The following ACACB variants were observed in gnomAD, a reference collection of about 807,000 sequenced individuals.
ACACB encodes the protein acetyl-CoA carboxylase beta.
ACACB carries 209 observed loss-of-function variants against 278.8 expected under a neutral mutation model. That is an observed-to-expected ratio of 0.75 (90% confidence interval 0.67 to 0.84). The LOEUF is 0.84. ACACB is among the 40% of genes least tolerant of loss of function. The pLI, the probability that ACACB is intolerant of heterozygous loss-of-function variation, is 0.00. For missense variants in ACACB, 2,850 were observed against 3,269.0 expected (o/e 0.87, Z 3.13); for synonymous variants, 1,174 against 1,285.6 (o/e 0.91, Z 1.86).
At chr12:109,131,764 G>A (rs900931577) in intron 1 of ACACB, among the ~76,000 whole-genome samples, 4 of 152,146 alleles carry the variant, frequency 2.6e-5, no homozygotes, top group East Asian at 3.9e-4. Context: ...TCTGGTTTTC[G>A]GGTCCGCTGG....
intron 21 of ACACB, among the ~76,000 whole-genome samples, chr12:109,210,413 A>G (rs1246843358): frequency 1.4e-5 from 2 of 140,402 alleles, no homozygotes; most frequent in African/African-American, 5.4e-5. Flanking sequence ...ACGCACACAC[A>G]TGTGTATATA....
chr12:109,214,664 T>G (rs2045941914), intron 22 of ACACB, among the ~76,000 whole-genome samples: 1 of 152,250 alleles, frequency 6.6e-6, no homozygotes, highest in Non-Finnish European at 1.5e-5. Flanking sequence ...TCAGAGTCTT[T>G]TAGCATCTTG....
At chr12:109,230,892 T>C (rs1015027737) in intron 28 of ACACB, among the ~76,000 whole-genome samples, 4 of 152,240 alleles carry the variant, frequency 2.6e-5, no homozygotes, top group Middle Eastern at 3.4e-3. Flanking sequence ...CAGAGAGACA[T>C]TGAGGACCCT....
Position 109,179,083 on chromosome 12 carries a change from G to A in ACACB, c.1438-5G>A, listed in dbSNP as rs183257437. Reference sequence around the variant, plus strand: ...AAGATCAGGCTGCTCTGCTTCCCCCGACAGGTACAGAGTGAGATCCCAGGC... The same window carrying A: ...AAGATCAGGCTGCTCTGCTTCCCCCAACAGGTACAGAGTGAGATCCCAGGC... On this transcript the variant is annotated splice_region_variant and splice_polypyrimidine_tract_variant and intron_variant, in intron 9 of 52. Transcript: ENST00000338432. The A allele has an allele frequency of 6.3e-4, 1,010 of 1,611,336 alleles. 11 individuals carry two copies. The African/African-American group carries it at 0.012, about 18-fold the overall frequency.
At position 109,266,416 on chromosome 12, in the gene ACACB, C is replaced by T; in HGVS notation, c.*54C>T. ...CACGGCAAAAGGAACCACCCAGACCCACCACCCGTACACCCTCAGCAGACC... is the reference window on the plus strand; with the variant it reads ...CACGGCAAAAGGAACCACCCAGACCTACCACCCGTACACCCTCAGCAGACC... On this transcript the variant is annotated 3_prime_UTR_variant, in exon 53 of 53. Transcript: ENST00000338432. The T allele has an allele frequency of 6.5e-7, 1 of 1,541,936 alleles. No individual in the cohort carries two copies. Among genetic ancestry groups the T allele is most frequent in the Non-Finnish European group, 8.7e-7 (1 of 1,149,008 alleles).
At chr12:109,224,907 T>C (rs2046273385) in intron 27 of ACACB, among the ~76,000 whole-genome samples, 1 of 152,182 alleles carries the variant, frequency 6.6e-6, no homozygotes, top group Admixed American at 6.6e-5. Flanking sequence ...TCTTCTGAGC[T>C]CAGAGTCTCA....
intron 39 of ACACB, 113 bp downstream of exon 39, chr12:109,246,561 C>A: frequency 7.8e-7 from 1 of 1,285,004 alleles, no homozygotes; most frequent in South Asian, 1.4e-5. Flanking sequence ...GTATAAAGCA[C>A]AGATGTACAT....
intron 21 of ACACB, among the ~76,000 whole-genome samples, chr12:109,211,904 T>A (rs979870246): frequency 6.6e-6 from 1 of 152,212 alleles, no homozygotes; most frequent in Non-Finnish European, 1.5e-5. Flanking sequence ...GATCCAGGTT[T>A]TTTTTTCTTT....
At chr12:109,247,072 AC>A (rs888557185) in intron 39 of ACACB, among the ~76,000 whole-genome samples, 5 of 151,158 alleles carry the variant, frequency 3.3e-5, no homozygotes, top group Admixed American at 2.6e-4. Flanking sequence ...ACTGAGTGAG[AC>A]CCCCCATCTC....
intron 1 of ACACB, among the ~76,000 whole-genome samples, chr12:109,135,873 G>A (rs538359379): frequency 6.5e-4 from 97 of 148,600 alleles, no homozygotes; most frequent in Non-Finnish European, 1.3e-3. Context: ...GCAGTGGTGC[G>A]ATCTCGGCTC....
At chr12:109,264,154 C>CA (rs35795929) in intron 49 of ACACB, 78 bp from the exon 50 acceptor site, 38,847 of 1,326,950 alleles carry the variant, frequency 0.029, 2 homozygotes, top group Non-Finnish European at 0.032. Flanking sequence ...GTGCCTTCTT[C>CA]AAAAAAAAAA....
rs2045256852 is a variant in ACACB, at chr12:109,199,433, G to A, written c.2659G>A (p.Val887Met). ...AATTACCATCGGCAATAAGACGTGT[G>A]TGTTTGAGAAGGAGAACGATCCTAC... ...YRITIGNKTC[V>M]FEKENDPTVL... The change falls in exon 18 of 53, where the codon GTG (valine) becomes ATG (methionine). Residue 887 changes from valine (V) to methionine (M), a missense_variant. Physicochemically the swap from Val to Met is conservative, Grantham distance 21. Coordinates refer to ENST00000338432, the MANE Select transcript of ACACB (RefSeq NM_001093.4). 6.5e-7 allele frequency: 1 copy of A among 1,543,452 alleles called. No homozygotes were observed. The highest frequency in any genetic ancestry group is 8.7e-7 in the Non-Finnish European group (1 of 1,144,160).
intron 13 of ACACB, among the ~76,000 whole-genome samples, chr12:109,189,449 A>G (rs1244301859): frequency 1.3e-5 from 2 of 152,210 alleles, no homozygotes; most frequent in Non-Finnish European, 2.9e-5. Context: ...GGCTTGTCAC[A>G]TGCTACGAGT....
chr12:109,260,689 T>C lies in ACACB; in HGVS notation c.6674+32T>C, dbSNP rs773708908. Reference sequence around the variant, plus strand: ...GTGTTGCCCTTAGCCTGGCTTAGCCTTTTCTTGTTCTCCCAGCCTTGAGAG... The same window carrying C: ...GTGTTGCCCTTAGCCTGGCTTAGCCCTTTCTTGTTCTCCCAGCCTTGAGAG... On this transcript the variant is annotated intron_variant, in intron 48 of 52. Transcript: ENST00000338432. 1.1e-5 allele frequency: 17 copies of C among 1,500,778 alleles called. No individual in the cohort carries two copies. The South Asian group carries it at 2.1e-4, about 18-fold the overall frequency. 93.0% of individuals were successfully genotyped at this position (1,500,778 alleles called of 1,614,324 possible).
intron 36 of ACACB, chr12:109,241,619 T>A (rs1410302399): frequency 3.1e-6 from 1 of 321,382 alleles, no homozygotes; most frequent in South Asian, 3.2e-5. Context: ...AGTGCTGGGA[T>A]TATAGGCGTG....
At chr12:109,227,275 T>C in intron 27 of ACACB, 96 bp from the exon 28 acceptor site, 2 of 1,065,208 alleles carry the variant, frequency 1.9e-6, no homozygotes, top group Non-Finnish European at 2.8e-6. Context: ...ATTTTAGAGG[T>C]CATTTCTGGT....
At chr12:109,140,771 G>A (rs1406382754) in intron 2 of ACACB, among the ~76,000 whole-genome samples, 1 of 151,956 alleles carries the variant, frequency 6.6e-6, no homozygotes, top group South Asian at 2.1e-4. Context: ...AGATGACCTT[G>A]TGTTTAGTTA....
intron 2 of ACACB, among the ~76,000 whole-genome samples, chr12:109,148,422 G>A (rs938210815): frequency 3.3e-5 from 5 of 152,148 alleles, no homozygotes; most frequent in Non-Finnish European, 2.9e-5. Flanking sequence ...CCTGTGGGGT[G>A]CGCATGTGGA....
upstream of ACACB, among the ~76,000 whole-genome samples, chr12:109,113,737 T>C (rs1339249568): frequency 1.3e-5 from 2 of 152,264 alleles, no homozygotes. Context: ...TTTTGGCGTA[T>C]GCGTGTGGTG....
Sources: allele counts gnomAD v4.1 joint callset (sites outside exome capture counted in the v4.1 genomes callset), GRCh38; gene constraint gnomAD v4.1.1; transcripts MANE v1.5; gene names NCBI Gene and HGNC (gene_info 2026-07-23, HGNC 2026-07-21).